The following ZNF618 variants were observed in gnomAD, a reference collection of about 807,000 sequenced individuals.
The protein encoded by ZNF618 is neural precursor cell expressed, developmentally down-regulated 10.
ZNF618 carries 34 observed loss-of-function variants against 103.0 expected under a neutral mutation model. The ratio of observed to expected loss-of-function variants is 0.33; its 90% CI spans 0.25 to 0.44. The LOEUF (loss-of-function observed/expected upper bound fraction) is 0.44. Among genes scored for constraint, ZNF618 ranks in the 20% least tolerant of loss-of-function variants. ZNF618 has a pLI of 1.00. For synonymous variants in ZNF618, 551 were observed against 542.2 expected, an observed-to-expected ratio of 1.02 and a Z score of -0.23; for missense variants, 1,059 against 1,295.4, an observed-to-expected ratio of 0.82 and a Z score of 2.80.
intron 2 of ZNF618, among the ~76,000 whole-genome samples, chr9:113,980,291 G>A (rs1431082061): frequency 1.3e-5 from 2 of 152,086 alleles, no homozygotes; most frequent in African/African-American, 4.8e-5. Flanking sequence ...TGTAGCAGCA[G>A]GGTTTTGGAC....
rs1846362201 is a variant in ZNF618, at chr9:114,054,844, A to C, written c.*4677A>C. The C allele has an allele frequency of 6.6e-6, 1 of 152,342 alleles. No individual in the cohort carries two copies. 9.4% of individuals were successfully genotyped at this position (152,342 alleles called of 1,614,324 possible). A position where few individuals can be genotyped will look rare whatever the true frequency, so the allele number is the denominator to read the frequency against. ...GCCCTGGCTTTCACCAAAGGAGCCC[A>C]GTGGTTTCTGTGGAAGAGGCGCCCA... On this transcript the variant is annotated 3_prime_UTR_variant, in exon 15 of 15. Transcript: ENST00000374126.
intron 1 of ZNF618, among the ~76,000 whole-genome samples, chr9:113,957,100 T>C (rs1049861746): frequency 3.3e-5 from 5 of 152,192 alleles, no homozygotes; most frequent in Non-Finnish European, 5.9e-5. Flanking sequence ...GATACTATGC[T>C]GGGAACTACT....
intron 6 of ZNF618, among the ~76,000 whole-genome samples, chr9:114,006,882 T>C (rs2133778148): frequency 6.6e-6 from 1 of 152,304 alleles, no homozygotes; most frequent in Middle Eastern, 3.4e-3. Context: ...GAGGCCACCC[T>C]CAGCTCCTGG....
chr9:113,900,167 C>T (rs545479946), intron 1 of ZNF618, among the ~76,000 whole-genome samples: 154 of 152,234 alleles, frequency 1.0e-3, no homozygotes, highest in African/African-American at 3.5e-3. Context: ...AAGTGATTCT[C>T]GTGCCTCAGC....
chr9:114,028,490 A>G (rs1208695162), intron 10 of ZNF618: 8 of 585,528 alleles, frequency 1.4e-5, no homozygotes, highest in Non-Finnish European at 2.4e-5. Context: ...GTCAAGGGTT[A>G]TGGGTGACCT....
intron 2 of ZNF618, among the ~76,000 whole-genome samples, chr9:113,970,240 G>A (rs75669119): frequency 0.034 from 5,081 of 151,464 alleles, 268 homozygotes; most frequent in African/African-American, 0.11. Context: ...TTTTTTTGAC[G>A]TTCATTGCAT....
At chr9:113,896,894 A>G (rs1175945590) in intron 1 of ZNF618, among the ~76,000 whole-genome samples, 1 of 151,972 alleles carries the variant, frequency 6.6e-6, no homozygotes, top group Non-Finnish European at 1.5e-5. Flanking sequence ...TTCTACTTTC[A>G]GTTCTGGATT....
chr9:113,938,870 C>T (rs1044715780), intron 1 of ZNF618, among the ~76,000 whole-genome samples: 14 of 152,118 alleles, frequency 9.2e-5, no homozygotes, highest in African/African-American at 2.9e-4. Context: ...ACATCCGTTC[C>T]GTCCCATTAT....
chr9:114,002,624 A>T lies in ZNF618; in HGVS notation c.512A>T (p.Asp171Val), dbSNP rs746616273. 6.2e-7 allele frequency: 1 copy of T among 1,610,534 alleles called. No individual in the cohort carries two copies. Among genetic ancestry groups the T allele is most frequent in the Non-Finnish European group, 8.5e-7 (1 of 1,179,606 alleles). The change falls in exon 6 of 15, where the codon GAC (aspartate) becomes GTC (valine). Residue 171 changes from aspartate to valine, a missense_variant and splice_region_variant. Transcript: ENST00000374126. ...CFQTHVRAHR[D>V]TEATSGEGAS... ...CATCCCTCTCTCTCTCTCTTTGCAG[A>T]CACCGAAGCCACCTCAGGGGAGGGA...
chr9:114,004,400 G>A (rs908799892), intron 6 of ZNF618, among the ~76,000 whole-genome samples: 7 of 152,136 alleles, frequency 4.6e-5, no homozygotes, highest in South Asian at 2.1e-4. Flanking sequence ...ATTCTTTTCC[G>A]GCTCCCATGG....
chr9:113,885,618 G>A (rs1319672230), intron 1 of ZNF618, among the ~76,000 whole-genome samples: 2 of 152,146 alleles, frequency 1.3e-5, no homozygotes, highest in Non-Finnish European at 2.9e-5. Flanking sequence ...TCATGTATGT[G>A]GCCTGCCTAG....
intron 9 of ZNF618, 100 bp from the exon 10 acceptor site, chr9:114,016,595 C>G (rs1490889509): frequency 6.1e-6 from 5 of 821,024 alleles, no homozygotes; most frequent in Non-Finnish European, 1.0e-5. Flanking sequence ...AGTTGATGGT[C>G]CCAGAATGGG....
At chr9:113,953,756 T>A (rs1198636521) in intron 1 of ZNF618, among the ~76,000 whole-genome samples, 1 of 152,178 alleles carries the variant, frequency 6.6e-6, no homozygotes, top group Non-Finnish European at 1.5e-5. Flanking sequence ...TCTTCCCCTT[T>A]AAGGATGCTA....
intron 13 of ZNF618, among the ~76,000 whole-genome samples, chr9:114,038,930 T>C (rs1411044367): frequency 6.6e-6 from 1 of 152,134 alleles, no homozygotes; most frequent in Non-Finnish European, 1.5e-5. Context: ...TTCTAAGACT[T>C]TTACATATAT....
chr9:113,906,401 G>A (rs2150014), intron 1 of ZNF618, among the ~76,000 whole-genome samples: 51,090 of 151,906 alleles, frequency 0.34, 9,021 homozygotes, highest in East Asian at 0.64. Context: ...TGGGCATTTC[G>A]CTCTTCCATG....
intron 1 of ZNF618, among the ~76,000 whole-genome samples, chr9:113,911,269 T>C (rs1206020589): frequency 2.0e-5 from 3 of 152,202 alleles, no homozygotes; most frequent in African/African-American, 7.2e-5. Flanking sequence ...GAAAATCACC[T>C]AGAGATCCCT....
chr9:113,928,543 G>T (rs183619208), intron 1 of ZNF618, among the ~76,000 whole-genome samples: 1 of 152,162 alleles, frequency 6.6e-6, no homozygotes, highest in East Asian at 1.9e-4. Flanking sequence ...GAGGATATTA[G>T]TGTGAAGTTT....
At chr9:113,901,496 A>G (rs991248508) in intron 1 of ZNF618, among the ~76,000 whole-genome samples, 1 of 152,164 alleles carries the variant, frequency 6.6e-6, no homozygotes, top group African/African-American at 2.4e-5. Flanking sequence ...GCTCTAACAA[A>G]ATGCTGACAA....
intron 1 of ZNF618, among the ~76,000 whole-genome samples, chr9:113,879,961 G>A (rs941514512): frequency 6.6e-6 from 1 of 152,206 alleles, no homozygotes; most frequent in African/African-American, 2.4e-5. Flanking sequence ...TGGCTGGTCA[G>A]TATAAGGCTG....
Sources: gnomAD v4.1 joint callset for allele counts (sites outside exome capture counted in the v4.1 genomes callset) on GRCh38, gnomAD v4.1.1 for gene constraint, MANE v1.5 for transcripts, NCBI Gene and HGNC (gene_info 2026-07-23, HGNC 2026-07-21) for gene names.